Variants in TAFA2 observed in about 807,000 individuals in gnomAD.
TAFA2 encodes TAFA chemokine like family member 2, also known as chemokine-like protein TAFA-2.
TAFA2 carries 7 observed loss-of-function variants against 18.8 expected under a neutral mutation model. The ratio of observed to expected loss-of-function variants is 0.37; its 90% CI spans 0.21 to 0.70. The LOEUF (loss-of-function observed/expected upper bound fraction) is 0.70, where lower values mean the gene tolerates loss of function less well. Among genes scored for constraint, TAFA2 ranks in the 30% least tolerant of loss-of-function variants. The probability of loss-of-function intolerance (pLI) is 0.53; values close to 1 mark genes in which losing one functional copy is unlikely to be tolerated. For synonymous variants in TAFA2, 60 were observed against 54.2 expected, an observed-to-expected ratio of 1.11 and a Z score of -0.47; for missense variants, 122 against 158.1, an observed-to-expected ratio of 0.77 and a Z score of 1.23.
intron 1 of TAFA2, among the ~76,000 whole-genome samples, chr12:61,893,689 G>A (rs192627228): frequency 1.3e-5 from 2 of 152,192 alleles, no homozygotes; most frequent in African/African-American, 2.4e-5. Flanking sequence ...AAAGATACAC[G>A]TACATAAAAA....
At chr12:61,994,285 C>G (rs543507584) in intron 1 of TAFA2, among the ~76,000 whole-genome samples, 3 of 152,112 alleles carry the variant, frequency 2.0e-5, no homozygotes, top group Non-Finnish European at 4.4e-5. Flanking sequence ...TCTGTTCAAG[C>G]CTGCTTTTCC....
chr12:61,795,970 C>T (rs963018299), intron 2 of TAFA2, among the ~76,000 whole-genome samples: 3 of 151,910 alleles, frequency 2.0e-5, no homozygotes, highest in Admixed American at 1.3e-4. Flanking sequence ...ACTTACTACA[C>T]CAAGTGTTAG....
intron 1 of TAFA2, chr12:62,104,669 G>A (rs1245319907): frequency 4.4e-6 from 2 of 455,072 alleles, no homozygotes; most frequent in African/African-American, 4.0e-5. Flanking sequence ...ATATTTTCAA[G>A]ATAAGCAATA....
intron 1 of TAFA2, among the ~76,000 whole-genome samples, chr12:61,989,374 C>T (rs1160359286): frequency 6.8e-6 from 1 of 146,350 alleles, no homozygotes; most frequent in Non-Finnish European, 1.5e-5. Context: ...AAAGCTGGTC[C>T]CCCCCACTTA....
intron 1 of TAFA2, among the ~76,000 whole-genome samples, chr12:62,226,827 A>T (rs1373401097): frequency 6.6e-6 from 1 of 152,118 alleles, no homozygotes; most frequent in Non-Finnish European, 1.5e-5. Context: ...CCTTGTAAAC[A>T]TTTCTCAAAT....
At chr12:61,868,700 A>G (rs1874462539) in intron 1 of TAFA2, among the ~76,000 whole-genome samples, 1 of 152,168 alleles carries the variant, frequency 6.6e-6, no homozygotes. Context: ...ATGAAAAAAT[A>G]AATTATATAT....
intron 1 of TAFA2, among the ~76,000 whole-genome samples, chr12:62,232,219 T>C (rs1315670664): frequency 3.9e-5 from 6 of 152,082 alleles, no homozygotes; most frequent in Non-Finnish European, 4.4e-5. Flanking sequence ...CTACCAAAAA[T>C]TCAGTTAACT....
chr12:61,791,723 T>C (rs561515181), intron 2 of TAFA2, among the ~76,000 whole-genome samples: 1 of 151,726 alleles, frequency 6.6e-6, no homozygotes, highest in East Asian at 1.9e-4. Flanking sequence ...AGATAAGAAG[T>C]GTTGGTGAGG....
intron 1 of TAFA2, among the ~76,000 whole-genome samples, chr12:62,142,162 A>C (rs1374843545): frequency 6.6e-6 from 1 of 152,208 alleles, no homozygotes; most frequent in Non-Finnish European, 1.5e-5. Context: ...TGTGATCTTA[A>C]GGAAGCTATT....
intron 1 of TAFA2, among the ~76,000 whole-genome samples, chr12:61,973,413 T>G (rs1879321010): frequency 7.7e-6 from 1 of 130,552 alleles, no homozygotes; most frequent in Non-Finnish European, 1.8e-5. Flanking sequence ...TTTTTTTTTT[T>G]TAGTTTTCAT....
rs77314863 is a variant in TAFA2, at chr12:62,151,829, G to A, written c.-2+39430C>T. ...ATTATTTAAAGAAGTATATTTACGG[G>A]GTTAAGAATACTAAGAAGACTCAAG... On this transcript the variant is annotated intron_variant, in intron 1 of 4. Transcript: ENST00000416284. Among the ~76,000 whole-genome samples, 1,105 of 152,194 alleles carry A rather than the reference G, an allele frequency of 7.3e-3. 6 individuals carry two copies. Among genetic ancestry groups the A allele is most frequent in the Middle Eastern group, 0.014 (4 of 294 alleles).
Position 61,710,441 on chromosome 12 carries a change from G to A in TAFA2, c.385-24C>T, listed in dbSNP as rs760871933. 3.2e-6 allele frequency: 5 copies of A among 1,572,432 alleles called. No homozygotes were observed. The African/African-American group carries it at 5.4e-5, about 17-fold the overall frequency. ...ACCTACAAAGGAAGGAGAAAATATA[G>A]TCAACATTTCATAACATACCGATAA... is the stretch of plus-strand genomic sequence containing the variant. On this transcript the variant is annotated intron_variant, in intron 4 of 4. Transcript: ENST00000416284.
At chr12:62,244,347 T>C (rs1047672996) in intron 1 of TAFA2, among the ~76,000 whole-genome samples, 1 of 151,964 alleles carries the variant, frequency 6.6e-6, no homozygotes, top group African/African-American at 2.4e-5. Context: ...ACATGCATTT[T>C]TTTAATCTTT....
At chr12:62,030,008 C>G (rs1378943219) in intron 1 of TAFA2, among the ~76,000 whole-genome samples, 1 of 152,156 alleles carries the variant, frequency 6.6e-6, no homozygotes, top group South Asian at 2.1e-4. Flanking sequence ...GAGGTCTCAT[C>G]TGGCTCCTCA....
intron 1 of TAFA2, among the ~76,000 whole-genome samples, chr12:61,973,011 CT>C (rs1303400245): frequency 1.3e-5 from 2 of 151,648 alleles, no homozygotes; most frequent in Non-Finnish European, 3.0e-5. Context: ...AGAACACTTA[CT>C]ATATTAGCAT....
At chr12:61,832,329 C>T (rs562971027) in intron 2 of TAFA2, among the ~76,000 whole-genome samples, 38 of 152,180 alleles carry the variant, frequency 2.5e-4, no homozygotes, top group African/African-American at 8.2e-4. Flanking sequence ...CCTGCCACCA[C>T]GTTGTGGTGA....
At chr12:62,219,507 T>A (rs2062751522) in intron 1 of TAFA2, among the ~76,000 whole-genome samples, 1 of 152,216 alleles carries the variant, frequency 6.6e-6, no homozygotes, top group Non-Finnish European at 1.5e-5. Flanking sequence ...AGTTATTCGA[T>A]AATAATCAAA....
At chr12:61,868,278 A>T (rs1285080648) in intron 1 of TAFA2, among the ~76,000 whole-genome samples, 1 of 152,188 alleles carries the variant, frequency 6.6e-6, no homozygotes, top group Admixed American at 6.5e-5. Context: ...TGCCTGGGCC[A>T]CATTTAATGA....
intron 1 of TAFA2, chr12:62,235,002 C>A: frequency 1.5e-6 from 1 of 652,290 alleles, no homozygotes. Flanking sequence ...TGTCGAGAGG[C>A]CAGGGTAAGG....
Sources: gnomAD v4.1 joint callset for allele counts (sites outside exome capture counted in the v4.1 genomes callset) on GRCh38, gnomAD v4.1.1 for gene constraint, MANE v1.5 for transcripts, NCBI Gene and HGNC (gene_info 2026-07-23, HGNC 2026-07-21) for gene names.